LOC400499: variants seen among roughly 807,000 people sequenced by gnomAD.
the LOC400499 span, chr16:11,471,492 G>A: frequency 2.6e-4 from 102 of 397,016 alleles, 1 homozygote; most frequent in East Asian, 2.0e-3. Context: ...AGCCCCAGAT[G>A]GAGAATCAGC....
the LOC400499 span, among the ~76,000 whole-genome samples, chr16:11,403,825 C>T: frequency 6.8e-6 from 1 of 146,936 alleles, no homozygotes; most frequent in Non-Finnish European, 1.6e-5. Context: ...CACTCAGCTC[C>T]CCTGGCACCA....
At chr16:11,375,224 A>G in the LOC400499 span, among the ~76,000 whole-genome samples, 2 of 143,518 alleles carry the variant, frequency 1.4e-5, no homozygotes, top group African/African-American at 5.5e-5. Context: ...AGAATACACA[A>G]GGGTTCAAAC....
At chr16:11,373,494 C>G in the LOC400499 span, among the ~76,000 whole-genome samples, 1 of 152,042 alleles carries the variant, frequency 6.6e-6, no homozygotes, top group East Asian at 1.9e-4. Flanking sequence ...CCACCACGCC[C>G]GGCTAATTTT....
At chr16:11,430,909 A>G in the LOC400499 span, 1 of 397,544 alleles carries the variant, frequency 2.5e-6, no homozygotes, top group Non-Finnish European at 4.4e-6. Flanking sequence ...CTTTATCTAA[A>G]CCTGTAGATA....
the LOC400499 span, among the ~76,000 whole-genome samples, chr16:11,388,483 C>A: frequency 6.6e-6 from 1 of 152,098 alleles, no homozygotes; most frequent in Non-Finnish European, 1.5e-5. Flanking sequence ...CTCTGTGAGG[C>A]CACCAGCATG....
chr16:11,416,752 G>C, the LOC400499 span, among the ~76,000 whole-genome samples: 3 of 152,314 alleles, frequency 2.0e-5, no homozygotes, highest in Admixed American at 6.5e-5. Context: ...GAGGGAGCCA[G>C]GCAGGCGTGT....
chr16:11,420,172 T>C, the LOC400499 span, among the ~76,000 whole-genome samples: 66 of 150,890 alleles, frequency 4.4e-4, no homozygotes, highest in African/African-American at 1.5e-3. Flanking sequence ...CTATTCACAA[T>C]AGCAAAGACT....
chr16:11,516,386 C>A, the LOC400499 span: 3 of 398,336 alleles, frequency 7.5e-6, no homozygotes, highest in East Asian at 7.1e-5. Flanking sequence ...GCCACAGCAT[C>A]CCTGCCTTCC....
At chr16:11,488,158 T>C in the LOC400499 span, among the ~76,000 whole-genome samples, 4 of 151,606 alleles carry the variant, frequency 2.6e-5, no homozygotes, top group Non-Finnish European at 4.4e-5. Flanking sequence ...CGCCTCTTGG[T>C]GTACAGTACT....
chr16:11,387,219 A>G, the LOC400499 span: 52 of 1,232,186 alleles, frequency 4.2e-5, no homozygotes, highest in Non-Finnish European at 5.2e-5. Context: ...TCCATGAGGT[A>G]GCTGGTCACC....
At chr16:11,376,951 T>TTA in the LOC400499 span, among the ~76,000 whole-genome samples, 1 of 151,704 alleles carries the variant, frequency 6.6e-6, no homozygotes, top group Non-Finnish European at 1.5e-5. Flanking sequence ...CTTTTTTTTT[T>TTA]TTTTTAAAGA....
At chr16:11,458,048 C>T in the LOC400499 span, among the ~76,000 whole-genome samples, 31 of 152,052 alleles carry the variant, frequency 2.0e-4, no homozygotes, top group African/African-American at 7.2e-4. Context: ...ACGAAAAATA[C>T]AAAAAATTAG....
chr16:11,416,490 G>A, the LOC400499 span, among the ~76,000 whole-genome samples: 1 of 152,150 alleles, frequency 6.6e-6, no homozygotes, highest in Admixed American at 6.5e-5. Flanking sequence ...CTATCTCATA[G>A]GCTCGTTCAT....
At chr16:11,482,586 T>C in the LOC400499 span, among the ~76,000 whole-genome samples, 11 of 152,166 alleles carry the variant, frequency 7.2e-5, no homozygotes, top group Non-Finnish European at 1.5e-4. Context: ...CTGAGTTACA[T>C]ATCTGATGAA....
the LOC400499 span, among the ~76,000 whole-genome samples, chr16:11,419,066 T>G: frequency 5.7e-4 from 86 of 152,190 alleles, no homozygotes; most frequent in Non-Finnish European, 8.8e-4. Context: ...CTCAGGAGGC[T>G]GAAGCGGTGG....
At chr16:11,424,504 C>G in the LOC400499 span, among the ~76,000 whole-genome samples, 1 of 152,222 alleles carries the variant, frequency 6.6e-6, no homozygotes, top group African/African-American at 2.4e-5. Context: ...CCTACTGCAC[C>G]CAATACACCA....
At chr16:11,384,020 G>C in the LOC400499 span, 2 of 1,231,702 alleles carry the variant, frequency 1.6e-6, no homozygotes, top group Admixed American at 4.2e-5. Flanking sequence ...TGGCAGGATG[G>C]ATGCAAGACT....
the LOC400499 span, chr16:11,417,917 C>G: frequency 2.5e-6 from 1 of 398,136 alleles, no homozygotes; most frequent in Non-Finnish European, 4.4e-6. Context: ...CTGGCTCCCA[C>G]AAACCCTGGG....
chr16:11,422,442 G>T, the LOC400499 span, among the ~76,000 whole-genome samples: 3 of 151,944 alleles, frequency 2.0e-5, no homozygotes, highest in African/African-American at 7.3e-5. Context: ...GAACGGAACG[G>T]AAAGGAAAGG....
Sources: allele counts gnomAD v4.1 joint callset (sites outside exome capture counted in the v4.1 genomes callset), GRCh38; gene constraint gnomAD v4.1.1; transcripts MANE v1.5.